PLEKHG5: variants seen among roughly 807,000 people sequenced by gnomAD.
PLEKHG5 encodes the protein pleckstrin homology domain-containing family G member 5.
In PLEKHG5, 52 loss-of-function variants were observed where a neutral mutation model predicts 103.8. The ratio of observed to expected loss-of-function variants is 0.50; its 90% confidence interval spans 0.40 to 0.63. The LOEUF (loss-of-function observed/expected upper bound fraction) is 0.63. Among genes scored for constraint, PLEKHG5 ranks in the 30% least tolerant of loss-of-function variants. PLEKHG5 has a pLI of 0.00. For synonymous variants in PLEKHG5, 592 were observed against 575.5 expected (o/e 1.03, Z -0.41); for missense variants, 1,205 against 1,347.6 (o/e 0.89, Z 1.66).
chr1:6,469,790 G>C (rs1644514096), intron 16 of PLEKHG5, 114 bp from the exon 17 acceptor site: 1 of 887,108 alleles, frequency 1.1e-6, no homozygotes, highest in Non-Finnish European at 1.8e-6. Context: ...CTCCCACCAT[G>C]AACCTTCAAG....
intron 1 of PLEKHG5, among the ~76,000 whole-genome samples, chr1:6,481,506 G>A (rs1367041490): frequency 1.3e-5 from 2 of 150,828 alleles, no homozygotes; most frequent in East Asian, 3.9e-4. Flanking sequence ...ACTCCAGCCT[G>A]GGGCAAAACT....
chr1:6,469,504 C>G (rs1457894127), intron 17 of PLEKHG5, 40 bp downstream of exon 17: 10 of 1,613,720 alleles, frequency 6.2e-6, no homozygotes, highest in Non-Finnish European at 8.5e-6. Context: ...CCCCACCCAT[C>G]ACAGCCCCTG....
chr1:6,468,235 CA>C lies in PLEKHG5; in HGVS notation c.2600del (p.Leu867Ter), dbSNP rs1557735108. The C allele has an allele frequency of 6.3e-7, 1 of 1,594,944 alleles. No individual in the cohort carries two copies. The highest frequency in any genetic ancestry group is 2.2e-5 in the East Asian group (1 of 44,542). Reference protein sequence around the residue: ...RLRRRTPVQLLSCPPHLLKSK... With the variant: ...RLRRRTPVQLXSCPPHLLKSK... ...ACTTGAGCAGGTGGGGCGGGCAGCT[CA>C]ACAGCTGGACAGGGGTGCGGCGGCG... On this transcript the variant is annotated frameshift_variant, in exon 20 of 21. Coordinates refer to ENST00000377728, the MANE Select transcript of PLEKHG5 (RefSeq NM_020631.6). LOFTEE classifies it high-confidence loss of function.
At chr1:6,496,503 C>A, upstream of PLEKHG5, 1 of 1,603,494 alleles carries the variant, frequency 6.2e-7, no homozygotes, top group South Asian at 1.1e-5. Flanking sequence ...CTTGGCCGCC[C>A]GCCCCTTGTC....
chr1:6,470,787 G>A lies in PLEKHG5; in HGVS notation c.1490C>T (p.Ser497Leu). 1.3e-6 allele frequency: 2 copies of A among 1,572,782 alleles called. No homozygotes were observed. The highest frequency in any genetic ancestry group is 8.6e-7 in the Non-Finnish European group (1 of 1,159,876). The change falls in exon 14 of 21, where the codon TCG becomes TTG. Residue 497 changes from serine to leucine, a missense_variant. Physicochemically the swap from Ser to Leu is moderately radical, Grantham distance 145. Transcript: ENST00000377728. ...RLTKYPLLLK[S>L]VLRKTEEPRA... ...CGGCTCCTCGGTCTTCCTCAGCACC[G>A]ACTTGAGCAGCAGCGGGTACTTGGT...
intron 1 of PLEKHG5, among the ~76,000 whole-genome samples, chr1:6,508,067 G>T (rs1569998855): frequency 2.0e-5 from 3 of 152,236 alleles, no homozygotes; most frequent in Admixed American, 2.0e-4. Context: ...GCCACACCTG[G>T]TTATTATTTT....
intron 1 of PLEKHG5, among the ~76,000 whole-genome samples, chr1:6,483,755 G>A (rs1644957048): frequency 6.6e-6 from 1 of 152,272 alleles, no homozygotes; most frequent in African/African-American, 2.4e-5. Flanking sequence ...GCGCACTGCT[G>A]AGAGAAACAT....
At chr1:6,501,563 A>C (rs1645297228), upstream of PLEKHG5, among the ~76,000 whole-genome samples, 1 of 152,200 alleles carries the variant, frequency 6.6e-6, no homozygotes, top group Non-Finnish European at 1.5e-5. The surrounding 1 kb of genome is among the most constrained non-coding windows in gnomAD (Gnocchi z 4.3). Context: ...TCTGCTGTCC[A>C]TAGATGGTGT....
chr1:6,477,324 G>A (rs1242870157), intron 2 of PLEKHG5, among the ~76,000 whole-genome samples: 1 of 152,246 alleles, frequency 6.6e-6, no homozygotes, highest in Non-Finnish European at 1.5e-5. Context: ...GCACCAGATA[G>A]AGAAAGGCCT....
chr1:6,498,953 G>T (rs3007431), upstream of PLEKHG5, among the ~76,000 whole-genome samples: 2 of 152,130 alleles, frequency 1.3e-5, no homozygotes, highest in African/African-American at 4.8e-5. Flanking sequence ...AGTGGGGTTC[G>T]GGGCTTTTGT....
At chr1:6,479,949 G>A (rs905676225) in intron 1 of PLEKHG5, among the ~76,000 whole-genome samples, 2 of 152,090 alleles carry the variant, frequency 1.3e-5, no homozygotes, top group Non-Finnish European at 2.9e-5. Flanking sequence ...CAGCAGCCTC[G>A]CACAGAGCTC....
rs1645061555 is a variant in PLEKHG5, at chr1:6,487,358, AC to A, written c.-88+4278del. On this transcript the variant is annotated intron_variant, in intron 1 of 20. Transcript: ENST00000377728. This position sits in a 1 kb window ranked among gnomAD's most constrained non-coding sequence, Gnocchi z 4.1. The stretch of plus-strand genomic sequence containing the variant: ...ACTAACTCCTGATCTCAAGTGATCC[AC>A]CCCCACCTTGGCCTCCCAAAGTGCT... Among the ~76,000 whole-genome samples the A allele has an allele frequency of 6.6e-6, 1 of 151,742 alleles. No individual in the cohort carries two copies. Among genetic ancestry groups the A allele is most frequent in the Non-Finnish European group, 1.5e-5 (1 of 67,908 alleles).
At chr1:6,512,929 C>T (rs1638516926) in intron 1 of PLEKHG5, among the ~76,000 whole-genome samples, 1 of 152,182 alleles carries the variant, frequency 6.6e-6, no homozygotes, top group South Asian at 2.1e-4. Context: ...CAGGAGAGTC[C>T]CCTCCAAACT....
rs770641755 is a variant in PLEKHG5, at chr1:6,469,111, C to A, written c.2180G>T (p.Ser727Ile). Residue 727 changes from serine (S) to isoleucine (I), a missense_variant, in exon 19 of 21, where the codon AGT becomes ATT. Ser to Ile is a moderately radical substitution (Grantham distance 142). Transcript: ENST00000377728. ...AGGGGAGCTGGCAGCTGAAGTGCCA[C>A]TGTCCTCGCCTTCCTCCTCCTCCTC... ...EEEEEEEGED[S>I]GTSAASSPTI... is the part of the protein sequence containing the mutation. 6.2e-6 allele frequency: 10 copies of A among 1,612,574 alleles called. No homozygotes were observed. In the Admixed American group the frequency reaches 1.7e-4, roughly 27 times the overall value.
At chr1:6,470,669 G>A in intron 14 of PLEKHG5, 26 bp from the exon 15 acceptor site, 1 of 1,558,058 alleles carries the variant, frequency 6.4e-7, no homozygotes. Flanking sequence ...GGAGCTTCAG[G>A]TCCAGGGTCA....
intron 1 of PLEKHG5, among the ~76,000 whole-genome samples, chr1:6,518,985 G>A (rs1036585491): frequency 5.9e-5 from 9 of 152,236 alleles, no homozygotes; most frequent in Non-Finnish European, 1.3e-4. Flanking sequence ...TGGGACTACA[G>A]GTGCGTGCCA....
upstream of PLEKHG5, chr1:6,491,718 C>T (rs1645153675): frequency 1.0e-6 from 1 of 984,980 alleles, no homozygotes; most frequent in Non-Finnish European, 1.2e-6. The surrounding 1 kb of genome is among the most constrained non-coding windows in gnomAD (Gnocchi z 4.1). Context: ...CCTCCCTCCA[C>T]ACACGCATAC....
intron 1 of PLEKHG5, among the ~76,000 whole-genome samples, chr1:6,516,154 G>A (rs1638604873): frequency 1.3e-5 from 2 of 152,164 alleles, no homozygotes; most frequent in Admixed American, 1.3e-4. Flanking sequence ...ACTGGGCTGG[G>A]CTTCGTGGCA....
upstream of PLEKHG5, among the ~76,000 whole-genome samples, chr1:6,492,436 C>A (rs1645164215): frequency 6.6e-6 from 1 of 152,266 alleles, no homozygotes; most frequent in African/African-American, 2.4e-5. Context: ...CCCACAATAT[C>A]ATTAGTCTGC....
Sources: allele counts gnomAD v4.1 joint callset (sites outside exome capture counted in the v4.1 genomes callset), GRCh38; gene constraint gnomAD v4.1.1; non-coding constraint Gnocchi (gnomAD v3.1); transcripts MANE v1.5; gene names NCBI Gene and HGNC (gene_info 2026-07-23, HGNC 2026-07-21).